The following WDR70 variants were observed in gnomAD, a reference collection of about 807,000 sequenced individuals.
The protein encoded by WDR70 is WD repeat domain 70, also known as WD repeat-containing protein 70.
Under a neutral mutation model 88.6 loss-of-function variants are expected in WDR70, and 53 were observed. That is an observed-to-expected ratio of 0.60 (90% CI 0.48 to 0.75). The LOEUF (loss-of-function observed/expected upper bound fraction) is 0.75. Among genes scored for constraint, WDR70 ranks in the 30% least tolerant of loss-of-function variants. The pLI is 0.00. For synonymous variants in WDR70, 280 were observed against 270.0 expected (o/e 1.04, Z -0.36); for missense variants, 610 against 823.2 (o/e 0.74, Z 3.17).
At chr5:37,421,986 C>G (rs1324919590) in intron 5 of WDR70, among the ~76,000 whole-genome samples, 1 of 151,884 alleles carries the variant, frequency 6.6e-6, no homozygotes, top group African/African-American at 2.4e-5. Flanking sequence ...TCCCAGGAAG[C>G]CAGGTCGCTA....
At chr5:37,633,237 T>G (rs1005249308) in intron 10 of WDR70, among the ~76,000 whole-genome samples, 1 of 152,194 alleles carries the variant, frequency 6.6e-6, no homozygotes, top group African/African-American at 2.4e-5. Context: ...TTTTTTCCCC[T>G]TCACTATATT....
intron 4 of WDR70, among the ~76,000 whole-genome samples, chr5:37,396,135 CT>C (rs1364150390): frequency 1.3e-5 from 2 of 152,000 alleles, no homozygotes; most frequent in African/African-American, 4.8e-5. Context: ...GGTCTAATGG[CT>C]GTCTAACATA....
intron 8 of WDR70, among the ~76,000 whole-genome samples, chr5:37,485,110 A>T (rs530932885): frequency 1.3e-5 from 2 of 152,218 alleles, no homozygotes; most frequent in African/African-American, 4.8e-5. Context: ...GATATGGTTG[A>T]TGCAGAATTT....
intron 10 of WDR70, among the ~76,000 whole-genome samples, chr5:37,630,540 G>A (rs930043061): frequency 9.2e-5 from 14 of 152,140 alleles, no homozygotes; most frequent in African/African-American, 3.1e-4. Context: ...CCACCTGGCA[G>A]AGGGCATGCA....
intron 6 of WDR70, among the ~76,000 whole-genome samples, chr5:37,440,588 G>A (rs1401821049): frequency 2.6e-5 from 4 of 152,150 alleles, no homozygotes; most frequent in Non-Finnish European, 4.4e-5. Context: ...CAGGTGATCC[G>A]CCTACCTCGG....
chr5:37,640,975 G>A (rs114849869), intron 10 of WDR70, among the ~76,000 whole-genome samples: 250 of 152,310 alleles, frequency 1.6e-3, no homozygotes, highest in Non-Finnish European at 2.7e-3. Context: ...TAGCATAATC[G>A]TCAATTCACT....
intron 9 of WDR70, among the ~76,000 whole-genome samples, chr5:37,525,066 T>A (rs1172111693): frequency 6.6e-6 from 1 of 152,104 alleles, no homozygotes; most frequent in Non-Finnish European, 1.5e-5. Flanking sequence ...ATTAGATAGA[T>A]CAACGAGACA....
chr5:37,449,598 AAAAAATAAAAAAT>A (rs1158407736), intron 7 of WDR70, among the ~76,000 whole-genome samples: 16 of 34,990 alleles, frequency 4.6e-4, no homozygotes, highest in Admixed American at 2.4e-3. Context: ...CTCAAAAAAA[AAAAAATAAAAAAT>A]AAAAAATAAA....
At chr5:37,514,045 G>C (rs1326875030) in intron 8 of WDR70, among the ~76,000 whole-genome samples, 2 of 151,788 alleles carry the variant, frequency 1.3e-5, no homozygotes, top group African/African-American at 4.8e-5. Flanking sequence ...GATGGTGTCT[G>C]ACCCTGTCAC....
At chr5:37,512,170 T>C (rs918173853) in intron 8 of WDR70, among the ~76,000 whole-genome samples, 9 of 152,190 alleles carry the variant, frequency 5.9e-5, no homozygotes, top group Non-Finnish European at 8.8e-5. Context: ...TCTGCCTCTG[T>C]CTTTACATAG....
intron 9 of WDR70, among the ~76,000 whole-genome samples, chr5:37,585,248 C>G (rs946814177): frequency 1.3e-5 from 2 of 152,080 alleles, no homozygotes; most frequent in African/African-American, 4.8e-5. Flanking sequence ...CCTCAGCCTC[C>G]CAAAGTGCTG....
chr5:37,452,857 C>G (rs1738716183), intron 7 of WDR70, among the ~76,000 whole-genome samples: 1 of 152,162 alleles, frequency 6.6e-6, no homozygotes, highest in Admixed American at 6.5e-5. Context: ...CAGTCACACT[C>G]AAAGAACGCC....
chr5:37,420,340 C>T (rs762208771), intron 5 of WDR70, among the ~76,000 whole-genome samples: 10 of 152,200 alleles, frequency 6.6e-5, no homozygotes, highest in Non-Finnish European at 1.0e-4. Flanking sequence ...GTAGTAGTAA[C>T]ACAGTGTTTG....
chr5:37,724,070 C>CT (rs1747899782), intron 15 of WDR70: 1 of 152,098 alleles, frequency 6.6e-6, no homozygotes, highest in Non-Finnish European at 1.5e-5. Context: ...CTTCCTTCCC[C>CT]TGGTCCCCCG....
intron 9 of WDR70, among the ~76,000 whole-genome samples, chr5:37,566,226 C>T (rs1019941470): frequency 1.2e-4 from 18 of 151,958 alleles, no homozygotes; most frequent in Non-Finnish European, 2.2e-4. Flanking sequence ...TTCCTGTTAA[C>T]GAAATTATGT....
At chr5:37,409,677 G>A (rs940058904) in intron 5 of WDR70, among the ~76,000 whole-genome samples, 1 of 151,886 alleles carries the variant, frequency 6.6e-6, no homozygotes, top group Non-Finnish European at 1.5e-5. Context: ...GCTAATTTTT[G>A]TATTTTTAGT....
intron 7 of WDR70, among the ~76,000 whole-genome samples, chr5:37,450,885 A>G (rs1738657953): frequency 6.6e-6 from 1 of 151,684 alleles, no homozygotes; most frequent in South Asian, 2.1e-4. Context: ...GTGTGAGTGT[A>G]TACATTTTCT....
intron 5 of WDR70, among the ~76,000 whole-genome samples, chr5:37,404,726 A>AT (rs962522483): frequency 2.0e-5 from 3 of 152,046 alleles, no homozygotes; most frequent in African/African-American, 7.2e-5. Context: ...TAATTAATTT[A>AT]TTTTTCAATC....
chr5:37,562,622 A>C (rs1186299547), intron 9 of WDR70, among the ~76,000 whole-genome samples: 1 of 152,170 alleles, frequency 6.6e-6, no homozygotes. Flanking sequence ...GTCCCTGGGT[A>C]CTTGAGATTA....
Sources: gnomAD v4.1 joint callset for allele counts (sites outside exome capture counted in the v4.1 genomes callset) on GRCh38, gnomAD v4.1.1 for gene constraint, MANE v1.5 for transcripts, NCBI Gene and HGNC (gene_info 2026-07-23, HGNC 2026-07-21) for gene names.